The following NELFB variants were observed in gnomAD, a reference collection of about 807,000 sequenced individuals.
NELFB encodes the protein negative elongation factor B.
In NELFB, 34 loss-of-function variants were observed where a neutral mutation model predicts 60.2. That is an observed-to-expected ratio of 0.56 (90% CI 0.43 to 0.75). The LOEUF is 0.75. Ranked by LOEUF, NELFB falls within the 30% of genes least tolerant of loss-of-function variation. The pLI is 0.00. For synonymous variants in NELFB, 459 were observed against 382.1 expected, an observed-to-expected ratio of 1.20 and a Z score of -2.35; for missense variants, 770 against 831.6, an observed-to-expected ratio of 0.93 and a Z score of 0.91.
chr9:137,257,650 G>A (rs182469342), intron 4 of NELFB, among the ~76,000 whole-genome samples: 113 of 152,066 alleles, frequency 7.4e-4, no homozygotes, highest in African/African-American at 2.6e-3. Context: ...TTACAGGCAT[G>A]CATCACCACG....
At chr9:137,257,792 G>A (rs1050296529) in intron 4 of NELFB, among the ~76,000 whole-genome samples, 14 of 108,258 alleles carry the variant, frequency 1.3e-4, no homozygotes, top group African/African-American at 3.9e-4. Flanking sequence ...GTGAGCCACC[G>A]TGCCTGGCTT....
At chr9:137,266,799 A>T in intron 8 of NELFB, 145 bp from the exon 9 acceptor site, 1 of 941,238 alleles carries the variant, frequency 1.1e-6, no homozygotes, top group Non-Finnish European at 1.6e-6. Context: ...GGAGGTGGGA[A>T]GAGGGACCTG....
rs1837532871 is a variant in NELFB, at chr9:137,255,386, C to T, written c.21C>T (p.Ala7=). ...GGGACCTGGCCGAGCTGGAGGGCGC[C>T]GGGGAGCGGGGCTCGGGCGGTCCCC... Residue 7 remains alanine (A), a synonymous_variant, in exon 1 of 13, where the codon GCC becomes GCT. Transcript: ENST00000343053. 1.4e-6 allele frequency: 1 copy of T among 704,224 alleles called. No homozygotes were observed. The highest frequency in any genetic ancestry group is 2.0e-6 in the Non-Finnish European group (1 of 502,454). 43.6% of individuals were successfully genotyped at this position (704,224 alleles called of 1,614,324 possible).
Position 137,272,510 on chromosome 9 carries a change from G to C in NELFB, c.1635G>C (p.Lys545Asn), listed in dbSNP as rs773107268. The change falls in exon 12 of 13, where the codon AAG (lysine) becomes AAC (asparagine). Residue 545 changes from lysine (K) to asparagine (N), a missense_variant. Physicochemically the swap from Lys to Asn is moderately conservative, Grantham distance 94. Transcript: ENST00000343053. The stretch of plus-strand genomic sequence containing the variant: ...AGCCCTGCACGGCCTTTTCCAGGAA[G>C]GAGAACGTGCACCGGCACGCGCTGC... The C allele has an allele frequency of 5.6e-6, 9 of 1,611,734 alleles. No individual in the cohort carries two copies. Among genetic ancestry groups the C allele is most frequent in the Non-Finnish European group, 8.5e-7 (1 of 1,179,324 alleles).
rs141243622 is a variant in NELFB, at chr9:137,260,457, A to AT, written c.742-2567dup. On this transcript the variant is annotated intron_variant, in intron 4 of 12. Transcript: ENST00000343053. The stretch of plus-strand genomic sequence containing the variant: ...GTTTTATTTTATTTTAGTTTGTTTT[A>AT]TTTTTTTTTTTTTGAGACGTAGTGT... Among the ~76,000 whole-genome samples the AT allele has an allele frequency of 4.3e-3, 545 of 126,656 alleles. 4 individuals carry two copies. The highest frequency in any genetic ancestry group is 0.014 in the African/African-American group (486 of 33,940). The allele number at this position is 126,656 out of a possible 152,430, so 83.1% of individuals were successfully genotyped here. A position where few individuals can be genotyped will look rare whatever the true frequency, so the allele number is the denominator to read the frequency against.
Position 137,255,471 on chromosome 9 carries a change from G to A in NELFB, c.106G>A (p.Asp36Asn). 6.6e-7 allele frequency: 1 copy of A among 1,513,832 alleles called. No homozygotes were observed. Among genetic ancestry groups the A allele is most frequent in the South Asian group, 1.2e-5 (1 of 80,402 alleles). 93.8% of individuals were successfully genotyped at this position (1,513,832 alleles called of 1,614,324 possible). ...GGCGGCGCCGGGGGAACGGGCTGGGGATGGGGCGCCTAGCCGGGCGGTGGC... is the reference window on the plus strand; with the variant it reads ...GGCGGCGCCGGGGGAACGGGCTGGGAATGGGGCGCCTAGCCGGGCGGTGGC... Residue 36 changes from aspartate to asparagine, a missense_variant, in exon 1 of 13, where the codon GAT (aspartate) becomes AAT (asparagine). By Grantham distance (23) the Asp-to-Asn change is conservative. Transcript: ENST00000343053.
intron 10 of NELFB, among the ~76,000 whole-genome samples, chr9:137,271,371 T>A (rs1469704644): frequency 1.3e-5 from 2 of 152,258 alleles, no homozygotes; most frequent in Non-Finnish European, 2.9e-5. Flanking sequence ...CCTCAACCTG[T>A]CCGCACACGT....
chr9:137,255,828 C>G, intron 1 of NELFB, 79 bp from the exon 2 acceptor site: 2 of 1,567,968 alleles, frequency 1.3e-6, no homozygotes, highest in Non-Finnish European at 1.7e-6. Context: ...CACCTGGGTG[C>G]GTGCCTCCCT....
intron 11 of NELFB, 94 bp downstream of exon 11, chr9:137,272,316 A>G: frequency 6.4e-7 from 1 of 1,558,738 alleles, no homozygotes; most frequent in African/African-American, 1.3e-5. Context: ...CCTGGGGCGG[A>G]GGGTCCGCAG....
intron 4 of NELFB, 105 bp downstream of exon 4, chr9:137,257,159 G>T: frequency 5.0e-6 from 5 of 994,490 alleles, no homozygotes; most frequent in South Asian, 4.7e-5. Flanking sequence ...TGAATGATCG[G>T]GTGGTTCTGC....
At position 137,264,477 on chromosome 9, in the gene NELFB, T is replaced by C. The variant is rs1411475987; in HGVS notation, c.1040+120T>C. The stretch of plus-strand genomic sequence containing the variant: ...TCCCGGATATTGCTTTTTCTTTTGT[T>C]TTTTTCGAGACAGAGTCTCGTTCTG... On this transcript the variant is annotated intron_variant, in intron 6 of 12. Transcript: ENST00000343053. The C allele has an allele frequency of 1.9e-5, 14 of 743,546 alleles. No individual in the cohort carries two copies. The South Asian group carries it at 2.2e-4, about 11-fold the overall frequency. 46.1% of individuals were successfully genotyped at this position (743,546 alleles called of 1,614,324 possible).
intron 10 of NELFB, among the ~76,000 whole-genome samples, 184 bp from the exon 11 acceptor site, chr9:137,271,897 C>T (rs939350267): frequency 6.0e-5 from 9 of 151,254 alleles, no homozygotes; most frequent in Non-Finnish European, 1.3e-4. Context: ...CCACCCCCTG[C>T]CTGCCTCTGT....
intron 10 of NELFB, 59 bp from the exon 11 acceptor site, chr9:137,272,022 G>C (rs1830589644): frequency 6.2e-7 from 1 of 1,601,308 alleles, no homozygotes; most frequent in Non-Finnish European, 8.5e-7. Context: ...TGAGGACAAG[G>C]GTGCCCTCTG....
rs778399072 is a variant in NELFB, at chr9:137,265,916, C to T, written c.1080C>T (p.Asn360=). 3 of 1,613,224 alleles carry T rather than the reference C, an allele frequency of 1.9e-6. No homozygotes were observed. The highest frequency in any genetic ancestry group is 1.7e-6 in the Non-Finnish European group (2 of 1,179,908). The change falls in exon 7 of 13, where the codon AAC becomes AAT. Residue 360 remains asparagine (N), a synonymous_variant. Coordinates refer to ENST00000343053, the MANE Select transcript of NELFB (RefSeq NM_015456.5). Reference sequence around the variant, plus strand: ...TCCTGTGTGACCCCTTCGCCATCAACACGCTGGCACTGAGCACAGTCAGGC... The same window carrying T: ...TCCTGTGTGACCCCTTCGCCATCAATACGCTGGCACTGAGCACAGTCAGGC...
At position 137,272,754 on chromosome 9, in the gene NELFB, G is replaced by A. The variant is rs201589838; in HGVS notation, c.1741-28G>A. On this transcript the variant is annotated intron_variant, in intron 12 of 12. Transcript: ENST00000343053. ...CCCCCTGGGCCTGCCCATGCGCCTC[G>A]CCTGCCCCATGGTGTGGTTCCCCGC... The A allele has an allele frequency of 1.8e-4, 272 of 1,527,714 alleles. 1 individual carries two copies. In the African/African-American group the frequency reaches 3.3e-3, roughly 19 times the overall value. The allele number at this position is 1,527,714 out of a possible 1,614,324, so 94.6% of individuals were successfully genotyped here. A position where few individuals can be genotyped will look rare whatever the true frequency, so the allele number is the denominator to read the frequency against.
intron 5 of NELFB, among the ~76,000 whole-genome samples, chr9:137,263,999 G>C (rs565921727): frequency 5.9e-5 from 9 of 152,230 alleles, no homozygotes; most frequent in African/African-American, 2.2e-4. Flanking sequence ...CCCACACTCA[G>C]GGTGCCATGA....
chr9:137,264,440 G>A (rs908903236), intron 6 of NELFB, 83 bp downstream of exon 6: 38 of 1,002,352 alleles, frequency 3.8e-5, no homozygotes, highest in Non-Finnish European at 5.1e-5. Context: ...GCCGTGGGTA[G>A]CAGGCGTTTA....
At position 137,269,843 on chromosome 9, in the gene NELFB, G is replaced by A. The variant is rs1208621727; in HGVS notation, c.1490-2238G>A. On this transcript the variant is annotated intron_variant, in intron 10 of 12. Transcript: ENST00000343053. The surrounding 1 kb of genome is among the most constrained non-coding windows in gnomAD (Gnocchi z 5.3). ...CTGGGAACCAGGAGTGCAGCTTCTC[G>A]GAGTACGTGGCTGCCCCACGGGGTG... 1.3e-5 allele frequency among the ~76,000 whole-genome samples: 2 copies of A among 152,338 alleles called. No individual in the cohort carries two copies. Among genetic ancestry groups the A allele is most frequent in the African/African-American group, 4.8e-5 (2 of 41,574 alleles).
In NELFB at chr9:137,256,981, C is replaced by T. The variant is rs1837563615; in HGVS notation, c.668C>T (p.Ala223Val). The change falls in exon 4 of 13, where the codon GCT (alanine) becomes GTT (valine). Residue 223 changes from alanine (A) to valine (V), a missense_variant. Ala to Val is a moderately conservative substitution (Grantham distance 64, BLOSUM62 0). Coordinates refer to ENST00000343053, the MANE Select transcript of NELFB (RefSeq NM_015456.5). ...CAGTACATCCTGGAGAAGGAGAGCG[C>T]TCTCTTCAGTACAGAGCTCTCTGTC... 1 of 1,614,110 alleles carries T rather than the reference C, an allele frequency of 6.2e-7. No homozygotes were observed. The highest frequency in any genetic ancestry group is 2.2e-5 in the East Asian group (1 of 44,886).
Sources: allele counts gnomAD v4.1 joint callset (sites outside exome capture counted in the v4.1 genomes callset), GRCh38; gene constraint gnomAD v4.1.1; non-coding constraint Gnocchi (gnomAD v3.1); transcripts MANE v1.5; gene names NCBI Gene and HGNC (gene_info 2026-07-23, HGNC 2026-07-21).